Variants in CLPB observed in about 807,000 individuals in gnomAD.
The protein encoded by CLPB is ClpB family mitochondrial disaggregase.
Under a neutral mutation model 78.4 loss-of-function variants are expected in CLPB, and 40 were observed. That is an observed-to-expected ratio of 0.51 (90% CI 0.40 to 0.66). The LOEUF is 0.66. CLPB is among the 30% of genes least tolerant of loss of function. The probability of loss-of-function intolerance (pLI) is 0.00; values close to 1 mark genes in which losing one functional copy is unlikely to be tolerated. For synonymous variants in CLPB, 333 were observed against 348.0 expected (o/e 0.96, Z 0.48); for missense variants, 780 against 886.9 (o/e 0.88, Z 1.53).
intron 8 of CLPB, among the ~76,000 whole-genome samples, chr11:72,308,077 A>G (rs1031835346): frequency 3.3e-5 from 5 of 152,058 alleles, no homozygotes; most frequent in African/African-American, 1.2e-4. Context: ...AAAATACTCA[A>G]CCCATCTTAC....
In CLPB at chr11:72,286,080, T is replaced by G. The variant is rs950015163; in HGVS notation, c.*7287A>C. ...CCAAGTAGCTGAGACCACAGGTGGA[T>G]GCCACCACAACCAGCTAATTTTTTG... On this transcript the variant is annotated 3_prime_UTR_variant, in exon 16 of 16. Transcript: ENST00000538039. 6.6e-6 allele frequency: 1 copy of G among 151,726 alleles called. No homozygotes were observed. The highest frequency in any genetic ancestry group is 1.5e-5 in the Non-Finnish European group (1 of 67,948). The allele number at this position is 151,726 out of a possible 1,614,324, so 9.4% of individuals were successfully genotyped here.
chr11:72,348,654 C>T (rs1438945069), intron 5 of CLPB, among the ~76,000 whole-genome samples: 1 of 152,120 alleles, frequency 6.6e-6, no homozygotes, highest in African/African-American at 2.4e-5. Context: ...TAATTCTGGC[C>T]CTTGCTTATG....
At chr11:72,414,551 G>A (rs1590919816) in intron 2 of CLPB, among the ~76,000 whole-genome samples, 1 of 152,152 alleles carries the variant, frequency 6.6e-6, no homozygotes, top group Admixed American at 6.5e-5. Context: ...TGGCCTCCTC[G>A]GGCAAAGGTG....
intron 2 of CLPB, among the ~76,000 whole-genome samples, chr11:72,409,973 T>TA (rs796942733): frequency 0.01 from 1,437 of 139,172 alleles, 22 homozygotes; most frequent in East Asian, 0.07. Flanking sequence ...AGACTCCGTA[T>TA]AAAAAAAAAA....
rs1380274922 is a variant in CLPB at position 72,294,407 on chromosome 11, T to C, written c.1598A>G (p.Asn533Ser). 9.9e-6 allele frequency: 16 copies of C among 1,614,080 alleles called. No individual in the cohort carries two copies. The highest frequency in any genetic ancestry group is 1.7e-5 in the Admixed American group (1 of 60,008). ...GAAGGGGAGGAAGTAGACGATCTCA[T>C]TGATCCGTCCCAGAAACTCATCCCT... The part of the protein sequence containing the change: ...FRRDEFLGRI[N>S]EIVYFLPFCH... Residue 533 changes from asparagine to serine, a missense_variant, in exon 14 of 16, where the codon AAT (asparagine) becomes AGT (serine). Around this residue, in one of 3 missense-constraint regions of CLPB, gnomAD observed 272 missense variants for 304.0 expected, o/e 0.89. Coordinates refer to ENST00000538039, the MANE Select transcript of CLPB (RefSeq NM_001258392.3).
chr11:72,369,613 A>C (rs1336705535), intron 4 of CLPB, among the ~76,000 whole-genome samples: 1 of 152,180 alleles, frequency 6.6e-6, no homozygotes, highest in African/African-American at 2.4e-5. Context: ...CAAGATGTTA[A>C]AAACTCGCAA....
intron 4 of CLPB, chr11:72,373,032 G>C (rs749841974): frequency 6.2e-7 from 1 of 1,611,646 alleles, no homozygotes; most frequent in South Asian, 1.1e-5. Flanking sequence ...CACAGAGATG[G>C]GGAGGTCAGC....
chr11:72,433,661 A>AG (rs1302274132), intron 1 of CLPB, among the ~76,000 whole-genome samples: 11 of 152,022 alleles, frequency 7.2e-5, no homozygotes, highest in South Asian at 2.1e-4. Flanking sequence ...GGCGGGGGGT[A>AG]GGGGGGAGCG....
chr11:72,300,783 A>G (rs2135498262), intron 11 of CLPB, among the ~76,000 whole-genome samples: 1 of 152,178 alleles, frequency 6.6e-6, no homozygotes, highest in East Asian at 1.9e-4. Flanking sequence ...GCCAGGTGCT[A>G]GCTAATATAG....
chr11:72,294,760 C>T lies in CLPB; in HGVS notation c.1487-67G>A. 2.2e-5 allele frequency: 29 copies of T among 1,323,862 alleles called. No homozygotes were observed. In the South Asian group the frequency reaches 3.1e-4, roughly 14 times the overall value. The allele number at this position is 1,323,862 out of a possible 1,614,324, so 82.0% of individuals were successfully genotyped here. A position where few individuals can be genotyped will look rare whatever the true frequency, so the allele number is the denominator to read the frequency against. ...GGAACTTTGGGGGCTGTGCCTGCCC[C>T]TTGGCCTGCCCATGGAAAGAGCCCT... On this transcript the variant is annotated intron_variant, in intron 12 of 15. Coordinates refer to ENST00000538039, the MANE Select transcript of CLPB (RefSeq NM_001258392.3).
chr11:72,347,784 A>C (rs948850985), intron 5 of CLPB, among the ~76,000 whole-genome samples: 1 of 152,232 alleles, frequency 6.6e-6, no homozygotes, highest in Non-Finnish European at 1.5e-5. Context: ...GTTGCTAATT[A>C]GTTGACTTTG....
chr11:72,382,910 ATTGTT>A (rs142201779), intron 3 of CLPB, among the ~76,000 whole-genome samples: 4,405 of 152,208 alleles, frequency 0.029, 106 homozygotes, highest in Non-Finnish European at 0.04. Flanking sequence ...ATTAAAAATA[ATTGTT>A]TTAAGAAAGT....
At chr11:72,321,986 T>A (rs753842454) in intron 6 of CLPB, among the ~76,000 whole-genome samples, 1 of 151,398 alleles carries the variant, frequency 6.6e-6, no homozygotes, top group Admixed American at 6.6e-5. Flanking sequence ...GGGATGACGA[T>A]GGAGAAAGCC....
intron 1 of CLPB, among the ~76,000 whole-genome samples, chr11:72,430,752 C>T (rs1856523481): frequency 6.6e-6 from 1 of 152,182 alleles, no homozygotes; most frequent in Non-Finnish European, 1.5e-5. Flanking sequence ...CCCTCAACTC[C>T]AGTTCTTCAA....
chr11:72,405,168 G>C (rs759813510), intron 2 of CLPB, among the ~76,000 whole-genome samples: 37 of 152,216 alleles, frequency 2.4e-4, no homozygotes, highest in Admixed American at 4.6e-4. Context: ...GTTTAGAGAA[G>C]TGGAAGGAAG....
chr11:72,332,320 TAA>T (rs551043381), intron 5 of CLPB, among the ~76,000 whole-genome samples: 39 of 112,068 alleles, frequency 3.5e-4, no homozygotes, highest in Non-Finnish European at 3.0e-4. Flanking sequence ...CCATCTCTAC[TAA>T]AAAAAAAAAA....
chr11:72,294,475 TC>T, intron 13 of CLPB, 31 bp from the exon 14 acceptor site: 4 of 1,613,632 alleles, frequency 2.5e-6, no homozygotes, highest in Admixed American at 3.3e-5. Context: ...TGGGATGAGC[TC>T]AGTGACCCAG....
rs1949451546 is a variant in CLPB at position 72,291,506 on chromosome 11, C to G, written c.*1861G>C. The G allele has an allele frequency of 6.6e-6, 1 of 151,820 alleles. No homozygotes were observed. Among genetic ancestry groups the G allele is most frequent in the African/African-American group, 2.4e-5 (1 of 41,368 alleles). The allele number at this position is 151,820 out of a possible 1,614,324, so 9.4% of individuals were successfully genotyped here. ...TATTTTTAGTACAGACAGGGTTTCA[C>G]CATGTTGGCCAGGCTGGTCTCGAAC... On this transcript the variant is annotated 3_prime_UTR_variant, in exon 16 of 16. Transcript: ENST00000538039.
At chr11:72,347,820 G>A (rs906833845) in intron 5 of CLPB, among the ~76,000 whole-genome samples, 1 of 152,130 alleles carries the variant, frequency 6.6e-6, no homozygotes, top group Non-Finnish European at 1.5e-5. Flanking sequence ...ATCTGAGTGG[G>A]CCCAATATAA....
Sources: allele counts gnomAD v4.1 joint callset (sites outside exome capture counted in the v4.1 genomes callset), GRCh38; gene constraint gnomAD v4.1.1; regional missense constraint gnomAD v4.1.1; transcripts MANE v1.5; gene names NCBI Gene and HGNC (gene_info 2026-07-23, HGNC 2026-07-21).